BRMS1: variants seen among roughly 807,000 people sequenced by gnomAD.
BRMS1 encodes the protein breast cancer metastasis-suppressor 1.
A neutral mutation model predicts 40.4 loss-of-function variants in BRMS1; 26 were observed. The observed-to-expected ratio is 0.64, with a 90% CI of 0.47 to 0.89. The LOEUF (loss-of-function observed/expected upper bound fraction) is 0.89. Among genes scored for constraint, BRMS1 ranks in the 40% least tolerant of loss-of-function variants. BRMS1 has a pLI of 0.00. For synonymous variants in BRMS1, 103 were observed against 116.0 expected, an observed-to-expected ratio of 0.89 and a Z score of 0.72; for missense variants, 289 against 309.4, an observed-to-expected ratio of 0.93 and a Z score of 0.49.
At chr11:66,340,248 G>T in intron 6 of BRMS1, 35 bp from the exon 7 acceptor site, 1 of 1,571,446 alleles carries the variant, frequency 6.4e-7, no homozygotes, top group Non-Finnish European at 8.8e-7. Context: ...TTGGGGTGCT[G>T]GCCCACAGGA....
At chr11:66,343,753 G>A (rs1855138592) in intron 1 of BRMS1, among the ~76,000 whole-genome samples, 1 of 152,174 alleles carries the variant, frequency 6.6e-6, no homozygotes, top group Non-Finnish European at 1.5e-5. Flanking sequence ...CACAGGAGAA[G>A]GTGCAACCAG....
In BRMS1 at chr11:66,341,043, A is replaced by G; in HGVS notation, c.362T>C (p.Ile121Thr). 6.2e-7 allele frequency: 1 copy of G among 1,613,896 alleles called. No individual in the cohort carries two copies. Among genetic ancestry groups the G allele is most frequent in the South Asian group, 1.1e-5 (1 of 91,084 alleles). Residue 121 changes from isoleucine (I) to threonine (T), a missense_variant, in exon 5 of 10, where the codon ATC becomes ACC. Transcript: ENST00000359957. The surrounding 1 kb of genome is among the most constrained non-coding windows in gnomAD (Gnocchi z 4.9). Reference protein sequence around the residue: ...SLKIRIQVAGIYKGFCLDVIR... With the variant: ...SLKIRIQVAGTYKGFCLDVIR... ...CACATCCAGACAGAAGCCCTTGTAGATCCCTGCAGAGAAAGGGAGGAGGGT... is the reference window on the plus strand; with the variant it reads ...CACATCCAGACAGAAGCCCTTGTAGGTCCCTGCAGAGAAAGGGAGGAGGGT...
chr11:66,338,907 C>A, intron 7 of BRMS1, 122 bp from the exon 8 acceptor site: 3 of 1,028,672 alleles, frequency 2.9e-6, no homozygotes, highest in Non-Finnish European at 4.2e-6. Context: ...GACCTGGGTC[C>A]GAGGTCAGGT....
rs117221950 is a variant in BRMS1 at position 66,340,892 on chromosome 11, C to T, written c.439-22G>A. ...CACTCTGGAAGAGGGGGCAATAGCT[C>T]AGCAGGACGGATGGGGTGAGGCCAC... is the stretch of plus-strand genomic sequence containing the variant. On this transcript the variant is annotated intron_variant, in intron 5 of 9. Coordinates refer to ENST00000359957, the MANE Select transcript of BRMS1 (RefSeq NM_015399.4). 898 of 1,613,848 alleles carry T rather than the reference C, an allele frequency of 5.6e-4. 8 individuals are homozygous for T. The East Asian group carries it at 0.011, about 19-fold the overall frequency.
Position 66,338,778 on chromosome 11 carries a change from G to A in BRMS1, c.636C>T (p.Tyr212=). ...CGATCTCTTGAAGCATGTACACGAT[G>A]TATGGGCCTGTGGTGGGGGTCAAGG... is the stretch of plus-strand genomic sequence containing the variant. ...RKKAPLVSGP[Y]IVYMLQEIDI... The change falls in exon 8 of 10, where the codon TAC becomes TAT. Residue 212 remains tyrosine, a synonymous_variant. Coordinates refer to ENST00000359957, the MANE Select transcript of BRMS1 (RefSeq NM_015399.4). 1 of 1,551,194 alleles carries A rather than the reference G, an allele frequency of 6.4e-7. No homozygotes were observed. The highest frequency in any genetic ancestry group is 2.3e-5 in the East Asian group (1 of 44,246).
At chr11:66,344,359 T>C (rs1052006712) in intron 1 of BRMS1, among the ~76,000 whole-genome samples, 1 of 152,228 alleles carries the variant, frequency 6.6e-6, no homozygotes, top group Non-Finnish European at 1.5e-5. Context: ...TGTTTAGTCA[T>C]ATTCCTCAAC....
Position 66,341,391 on chromosome 11 carries a change from C to T in BRMS1, c.231-58G>A. ...TGCTCACCCATCGCTCTTGGGCAAA[C>T]ACATACCCAGCACCCATTCCACAGC... On this transcript the variant is annotated intron_variant, in intron 3 of 9. Coordinates refer to ENST00000359957, the MANE Select transcript of BRMS1 (RefSeq NM_015399.4). The surrounding 1 kb of genome is among the most constrained non-coding windows in gnomAD (Gnocchi z 4.9). 1 of 1,603,732 alleles carries T rather than the reference C, an allele frequency of 6.2e-7. No individual in the cohort carries two copies. The highest frequency in any genetic ancestry group is 8.5e-7 in the Non-Finnish European group (1 of 1,172,380).
chr11:66,344,896 C>CGGA (rs949242914), intron 1 of BRMS1, 76 bp downstream of exon 1: 1 of 152,238 alleles, frequency 6.6e-6, no homozygotes, highest in African/African-American at 2.4e-5. Flanking sequence ...GCTTCGGCCT[C>CGGA]GGAGGAGGAG....
At position 66,341,319 on chromosome 11, in the gene BRMS1, C is replaced by A; in HGVS notation, c.245G>T (p.Arg82Leu). The change falls in exon 4 of 10, where the codon CGA becomes CTA. Residue 82 changes from arginine to leucine, a missense_variant. Arg to Leu is a moderately radical substitution (Grantham distance 102). Coordinates refer to ENST00000359957, the MANE Select transcript of BRMS1 (RefSeq NM_015399.4). The surrounding 1 kb of genome is among the most constrained non-coding windows in gnomAD (Gnocchi z 4.9). The part of the protein sequence containing the change: ...SELKEKLFRE[R>L]LSQLRLRLEE... ...CAGCCGCAACCGCAGCTGACTCAGTCGTTCCCTGAACAACCTGCGTGGTAA... is the reference window on the plus strand; with the variant it reads ...CAGCCGCAACCGCAGCTGACTCAGTAGTTCCCTGAACAACCTGCGTGGTAA... The A allele has an allele frequency of 6.2e-7, 1 of 1,612,964 alleles. No individual in the cohort carries two copies. The highest frequency in any genetic ancestry group is 1.1e-5 in the South Asian group (1 of 91,018).
intron 2 of BRMS1, 42 bp downstream of exon 2, chr11:66,342,054 C>CTT: frequency 1.8e-6 from 1 of 567,822 alleles, no homozygotes; most frequent in Non-Finnish European, 2.7e-6. Context: ...TGTGTAGGGG[C>CTT]TCTGTGTGTG....
chr11:66,338,266 G>A lies in BRMS1; in HGVS notation c.710C>T (p.Ser237Phe), dbSNP rs1415586092. 12 of 1,611,230 alleles carry A rather than the reference G, an allele frequency of 7.4e-6. No homozygotes were observed. Among genetic ancestry groups the A allele is most frequent in the African/African-American group, 1.3e-5 (1 of 74,894 alleles). Reference protein sequence around the residue: ...TAIKKARAAVSPQKRKSDGP With the variant: ...TAIKKARAAVFPQKRKSDGP The stretch of plus-strand genomic sequence containing the variant: ...ACCATCCGATTTTCTCTTCTGAGGG[G>A]ACACAGCTGCCCTAGCCTGGGTGGG... The change falls in exon 9 of 10, where the codon TCC becomes TTC. Residue 237 changes from serine (S) to phenylalanine (F), a missense_variant. Physicochemically the swap from Ser to Phe is radical, Grantham distance 155. Coordinates refer to ENST00000359957, the MANE Select transcript of BRMS1 (RefSeq NM_015399.4).
chr11:66,341,709 G>T lies in BRMS1; in HGVS notation c.140-86C>A. The T allele has an allele frequency of 9.1e-7, 1 of 1,093,638 alleles. No homozygotes were observed. Among genetic ancestry groups the T allele is most frequent in the Non-Finnish European group, 1.4e-6 (1 of 712,110 alleles). 67.7% of individuals were successfully genotyped at this position (1,093,638 alleles called of 1,614,324 possible). A position where few individuals can be genotyped will look rare whatever the true frequency, so the allele number is the denominator to read the frequency against. On this transcript the variant is annotated intron_variant, in intron 2 of 9. Transcript: ENST00000359957. The surrounding 1 kb of genome is among the most constrained non-coding windows in gnomAD (Gnocchi z 4.9). ...GCATGTGCGTCCTGCATGTGTGTGT[G>T]TGCATGCATGCCTGTGTGTAGGGCC...
Position 66,341,244 on chromosome 11 carries a change from C to T in BRMS1, c.320G>A (p.Gly107Glu), listed in dbSNP as rs148062689. ...GCGAATCTTGAGGCTCCGCTGCAGCCCCCCAAGGGGCTCCGTGTATTCAGG... is the reference window on the plus strand; with the variant it reads ...GCGAATCTTGAGGCTCCGCTGCAGCTCCCCAAGGGGCTCCGTGTATTCAGG... ...RAPEYTEPLGGLQRSLKIRIQ... is the reference protein window; with the variant it reads ...RAPEYTEPLGELQRSLKIRIQ... The change falls in exon 4 of 10, where the codon GGG (glycine) becomes GAG (glutamate). Residue 107 changes from glycine (G) to glutamate (E), a missense_variant. Gly to Glu is a moderately conservative substitution (Grantham distance 98). Coordinates refer to ENST00000359957, the MANE Select transcript of BRMS1 (RefSeq NM_015399.4). The surrounding 1 kb of genome is among the most constrained non-coding windows in gnomAD (Gnocchi z 4.9). 44 of 1,613,128 alleles carry T rather than the reference C, an allele frequency of 2.7e-5. No homozygotes were observed. The highest frequency in any genetic ancestry group is 9.3e-6 in the Non-Finnish European group (11 of 1,179,416).
Position 66,337,647 on chromosome 11 carries a change from C to T in BRMS1, c.*235G>A. ...GTGGCAGGCGGCTCAGGGATGGAGA[C>T]AGCAGCCTTGCCTGGTCAGGTCAGC... On this transcript the variant is annotated 3_prime_UTR_variant, in exon 10 of 10. Coordinates refer to ENST00000359957, the MANE Select transcript of BRMS1 (RefSeq NM_015399.4). The T allele has an allele frequency of 3.9e-6, 6 of 1,524,426 alleles. No homozygotes were observed. The highest frequency in any genetic ancestry group is 1.4e-5 in the African/African-American group (1 of 72,826). 94.4% of individuals were successfully genotyped at this position (1,524,426 alleles called of 1,614,324 possible). A position where few individuals can be genotyped will look rare whatever the true frequency, so the allele number is the denominator to read the frequency against.
chr11:66,343,786 G>C (rs1030432598), intron 1 of BRMS1, among the ~76,000 whole-genome samples: 1 of 152,210 alleles, frequency 6.6e-6, no homozygotes, highest in Non-Finnish European at 1.5e-5. Flanking sequence ...TGTGCGATCA[G>C]AAGACGCCCA....
In BRMS1 at chr11:66,338,707, G is replaced by A. The variant is rs751780298; in HGVS notation, c.693+14C>T. Reference sequence around the variant, plus strand: ...TGAGGTGGGGCAGGTCACGTGGGCAGCAGCGGCCCCCACCTTTTTGATGGC... The same window carrying A: ...TGAGGTGGGGCAGGTCACGTGGGCAACAGCGGCCCCCACCTTTTTGATGGC... On this transcript the variant is annotated intron_variant, in intron 8 of 9. Transcript: ENST00000359957. 1.9e-6 allele frequency: 3 copies of A among 1,610,956 alleles called. No individual in the cohort carries two copies. The highest frequency in any genetic ancestry group is 2.5e-6 in the Non-Finnish European group (3 of 1,178,086).
chr11:66,340,726 T>A (rs1174317401), intron 6 of BRMS1, 48 bp downstream of exon 6: 1 of 1,506,276 alleles, frequency 6.6e-7, no homozygotes, highest in Non-Finnish European at 9.1e-7. Context: ...GGGGTGGGCG[T>A]GGACTGAGCG....
intron 1 of BRMS1, chr11:66,344,590 C>G (rs1291752550): frequency 1.3e-5 from 2 of 152,228 alleles, no homozygotes; most frequent in Non-Finnish European, 2.9e-5. Context: ...CCCACCTTAC[C>G]CCGGGTGCAA....
chr11:66,338,241 A>G lies in BRMS1; in HGVS notation c.733+2T>C. The G allele has an allele frequency of 6.2e-7, 1 of 1,611,360 alleles. No individual in the cohort carries two copies. The highest frequency in any genetic ancestry group is 8.5e-7 in the Non-Finnish European group (1 of 1,178,650). The stretch of plus-strand genomic sequence containing the variant: ...AGGCCATGCAACAGCCATGGTTCTT[A>G]CCATCCGATTTTCTCTTCTGAGGGG... On this transcript the variant is annotated splice_donor_variant, in intron 9 of 9. Transcript: ENST00000359957. LOFTEE classifies it high-confidence loss of function.
Sources: allele counts gnomAD v4.1 joint callset (sites outside exome capture counted in the v4.1 genomes callset), GRCh38; gene constraint gnomAD v4.1.1; non-coding constraint Gnocchi (gnomAD v3.1); transcripts MANE v1.5; gene names NCBI Gene and HGNC (gene_info 2026-07-23, HGNC 2026-07-21).